Variants in STK10 observed in about 807,000 individuals in gnomAD.
STK10 encodes serine/threonine-protein kinase 10.
A neutral mutation model predicts 113.8 loss-of-function variants in STK10; 78 were observed. The ratio of observed to expected loss-of-function variants is 0.69; its 90% CI spans 0.57 to 0.83. STK10 has a LOEUF of 0.83. Ranked by LOEUF, STK10 falls within the 40% of genes least tolerant of loss-of-function variation. The probability of loss-of-function intolerance (pLI) is 0.00; values close to 1 mark genes in which losing one functional copy is unlikely to be tolerated. For missense variants in STK10, 1,109 were observed against 1,280.1 expected, an observed-to-expected ratio of 0.87 and a Z score of 2.04; for synonymous variants, 465 against 494.7, an observed-to-expected ratio of 0.94 and a Z score of 0.80.
chr5:172,170,119 ATCCTT>A (rs374313922), intron 1 of STK10, among the ~76,000 whole-genome samples: 5,932 of 139,848 alleles, frequency 0.042, 364 homozygotes, highest in African/African-American at 0.15. Context: ...CTCAGTATGT[ATCCTT>A]TTTTTTTTTT....
chr5:172,100,261 G>C (rs1768957990), intron 7 of STK10, among the ~76,000 whole-genome samples: 2 of 152,190 alleles, frequency 1.3e-5, no homozygotes, highest in African/African-American at 2.4e-5. Context: ...GTCCCCAGTG[G>C]AAGGCTAGAT....
chr5:172,056,942 A>AGAAG, intron 15 of STK10: 1 of 76,728 alleles, frequency 1.3e-5, no homozygotes, highest in South Asian at 3.2e-4. Flanking sequence ...AAGAAAAGAA[A>AGAAG]GAAAGAAAGA....
chr5:172,071,830 C>A (rs1043802064), intron 12 of STK10, among the ~76,000 whole-genome samples: 3 of 152,100 alleles, frequency 2.0e-5, no homozygotes, highest in Non-Finnish European at 2.9e-5. Context: ...ATATTATTTT[C>A]CTTTTGCAAT....
At chr5:172,160,044 G>A (rs547409334) in intron 1 of STK10, among the ~76,000 whole-genome samples, 61 of 151,954 alleles carry the variant, frequency 4.0e-4, no homozygotes, top group African/African-American at 1.4e-3. Context: ...GCTGAGGCAG[G>A]AGAACTGCTT....
chr5:172,185,247 A>C (rs1770933597), intron 1 of STK10, among the ~76,000 whole-genome samples: 1 of 152,020 alleles, frequency 6.6e-6, no homozygotes. Flanking sequence ...TAACGGAGAA[A>C]AAAAAAAGCC....
chr5:172,186,880 T>G (rs563704567), intron 1 of STK10, among the ~76,000 whole-genome samples: 1 of 152,168 alleles, frequency 6.6e-6, no homozygotes, highest in African/African-American at 2.4e-5. Context: ...TGGAGAAGCC[T>G]TCTCTGTGGT....
intron 4 of STK10, 93 bp from the exon 5 acceptor site, chr5:172,107,945 T>C: frequency 4.0e-6 from 4 of 996,638 alleles, no homozygotes; most frequent in Non-Finnish European, 6.2e-6. Flanking sequence ...CCAAGTCGAC[T>C]AACAGATGCC....
chr5:172,064,771 CTTCCGCTGCTGTCG>C lies in STK10; in HGVS notation c.2017_2030del (p.Arg673GlyfsTer18). On this transcript the variant is annotated frameshift_variant, in exon 13 of 19. Coordinates refer to ENST00000176763, the MANE Select transcript of STK10 (RefSeq NM_005990.4). LOFTEE classifies it high-confidence loss of function. ...CCTCCATCTTCTGCTTCATGCTTTCCTTCCGCTGCTGTCGGGGGAGCTTCTCCACCTCGTTCTTC... is the reference window on the plus strand; with the variant it reads ...CCTCCATCTTCTGCTTCATGCTTTCCGGGGAGCTTCTCCACCTCGTTCTTC... 6.2e-7 allele frequency: 1 copy of C among 1,614,212 alleles called. No homozygotes were observed. The highest frequency in any genetic ancestry group is 2.2e-5 in the East Asian group (1 of 44,894).
intron 18 of STK10, among the ~76,000 whole-genome samples, chr5:172,050,010 C>G (rs927136341): frequency 6.6e-6 from 1 of 152,200 alleles, no homozygotes; most frequent in African/African-American, 2.4e-5. Context: ...GCCATGTTGG[C>G]CAGGCTGGTC....
At chr5:172,129,017 G>C (rs1581169844) in intron 2 of STK10, among the ~76,000 whole-genome samples, 1 of 152,154 alleles carries the variant, frequency 6.6e-6, no homozygotes, top group East Asian at 1.9e-4. Context: ...GCCAGTCACG[G>C]CTGGGCTCAT....
rs142253695 is a variant in STK10, at chr5:172,116,121, C to T, written c.520+1360G>A. ...CGTGAAACAGGGTCTTACTCTGTTG[C>T]CCAGACCGGAGTGCAGTGGTGCAAT... On this transcript the variant is annotated intron_variant, in intron 4 of 18. Coordinates refer to ENST00000176763, the MANE Select transcript of STK10 (RefSeq NM_005990.4). 1.0e-3 allele frequency among the ~76,000 whole-genome samples: 157 copies of T among 152,302 alleles called. 1 individual carries two copies. Among genetic ancestry groups the T allele is most frequent in the African/African-American group, 3.5e-3 (146 of 41,552 alleles).
intron 10 of STK10, 75 bp downstream of exon 10, chr5:172,090,157 C>A: frequency 2.5e-6 from 4 of 1,573,916 alleles, no homozygotes; most frequent in Non-Finnish European, 3.5e-6. Flanking sequence ...AGCCCTCTCA[C>A]CAAAGGACCA....
chr5:172,183,185 A>T (rs1380618550), intron 1 of STK10, among the ~76,000 whole-genome samples: 1 of 152,144 alleles, frequency 6.6e-6, no homozygotes, highest in Non-Finnish European at 1.5e-5. Context: ...CCAGTCCTTG[A>T]GACAGAGTAA....
chr5:172,102,746 G>GACAAGAGCAGCTGTGATAGAGCTGTGATA (rs1769018101), intron 7 of STK10, among the ~76,000 whole-genome samples: 1 of 152,154 alleles, frequency 6.6e-6, no homozygotes, highest in African/African-American at 2.4e-5. Flanking sequence ...GTGATAGAGT[G>GACAAGAGCAGCTGTGATAGAGCTGTGATA]GACGGGTTTA....
intron 3 of STK10, among the ~76,000 whole-genome samples, chr5:172,123,082 A>C (rs914378219): frequency 6.6e-6 from 1 of 152,194 alleles, no homozygotes; most frequent in Admixed American, 6.5e-5. Flanking sequence ...AAAGCCTCCA[A>C]AAAGAGAAAC....
chr5:172,173,362 A>G (rs191385984), intron 1 of STK10, among the ~76,000 whole-genome samples: 2 of 152,328 alleles, frequency 1.3e-5, no homozygotes, highest in African/African-American at 2.4e-5. Context: ...CAGGGTGACA[A>G]TGCTGGCTCT....
chr5:172,099,201 C>G (rs897898103), intron 7 of STK10, among the ~76,000 whole-genome samples: 9 of 152,148 alleles, frequency 5.9e-5, no homozygotes, highest in African/African-American at 2.2e-4. Context: ...CCATTACCAT[C>G]ACCACCATCA....
intron 1 of STK10, among the ~76,000 whole-genome samples, chr5:172,172,331 C>A (rs17074394): frequency 0.013 from 2,038 of 152,326 alleles, 48 homozygotes; most frequent in African/African-American, 0.046. Flanking sequence ...TGGGGCCATG[C>A]CACCCTGGTC....
intron 2 of STK10, among the ~76,000 whole-genome samples, chr5:172,155,513 ATTC>A (rs1194621241): frequency 2.0e-5 from 3 of 150,300 alleles, no homozygotes; most frequent in Non-Finnish European, 3.0e-5. Flanking sequence ...AAAAAAAAAA[ATTC>A]TCATAAAAAA....
Sources: gnomAD v4.1 joint callset for allele counts (sites outside exome capture counted in the v4.1 genomes callset) on GRCh38, gnomAD v4.1.1 for gene constraint, MANE v1.5 for transcripts, NCBI Gene and HGNC (gene_info 2026-07-23, HGNC 2026-07-21) for gene names.